The following DOCK5 variants were observed in gnomAD, a reference collection of about 807,000 sequenced individuals.
DOCK5 encodes the protein dedicator of cytokinesis protein 5.
DOCK5 carries 142 observed loss-of-function variants against 251.8 expected under a neutral mutation model. The ratio of observed to expected loss-of-function variants is 0.56; its 90% CI spans 0.49 to 0.65. The LOEUF (loss-of-function observed/expected upper bound fraction) is 0.65, where lower values mean the gene tolerates loss of function less well. Ranked by LOEUF, DOCK5 falls within the 30% of genes least tolerant of loss-of-function variation. The pLI, the probability that DOCK5 is intolerant of heterozygous loss-of-function variation, is 0.00. For missense variants in DOCK5, 2,111 were observed against 2,312.3 expected (o/e 0.91, Z 1.79); for synonymous variants, 842 against 835.5 (o/e 1.01, Z -0.13).
chr8:25,316,473 C>A (rs1805254464), intron 13 of DOCK5, among the ~76,000 whole-genome samples: 1 of 151,994 alleles, frequency 6.6e-6, no homozygotes, highest in Non-Finnish European at 1.5e-5. Flanking sequence ...AGAGCAAGAT[C>A]ATGTATCAAA....
intron 20 of DOCK5, 115 bp downstream of exon 20, chr8:25,332,807 T>C (rs1805713332): frequency 5.2e-6 from 4 of 764,400 alleles, no homozygotes; most frequent in Non-Finnish European, 8.0e-6. Flanking sequence ...TGTTTACATC[T>C]CTCTGGTTAT....
intron 2 of DOCK5, among the ~76,000 whole-genome samples, chr8:25,245,370 T>A (rs531031662): frequency 1.3e-5 from 2 of 152,220 alleles, no homozygotes; most frequent in East Asian, 3.9e-4. Flanking sequence ...GCTCTTCCAG[T>A]CTTATCAGCT....
intron 14 of DOCK5, among the ~76,000 whole-genome samples, chr8:25,319,027 G>A (rs897858829): frequency 2.0e-5 from 3 of 152,120 alleles, no homozygotes; most frequent in African/African-American, 7.2e-5. Flanking sequence ...CTCATTTCAC[G>A]TAGACACCTT....
chr8:25,364,661 T>G lies in DOCK5; in HGVS notation c.3080T>G (p.Val1027Gly). The G allele has an allele frequency of 6.2e-7, 1 of 1,601,490 alleles. No homozygotes were observed. ...FLRAINQFAEVLTRFFMDQAS... is the reference protein window; with the variant it reads ...FLRAINQFAEGLTRFFMDQAS... ...CGTGCTATAAATCAGTTTGCTGAAGTTCTCACAAGATTCTTCATGGATCAG... is the reference window on the plus strand; with the variant it reads ...CGTGCTATAAATCAGTTTGCTGAAGGTCTCACAAGATTCTTCATGGATCAG... Residue 1027 changes from valine (V) to glycine (G), a missense_variant, in exon 30 of 52, where the codon GTT becomes GGT. Around this residue, in one of 3 missense-constraint regions of DOCK5, gnomAD observed 1,717 missense variants for 1,892.4 expected, o/e 0.91. Coordinates refer to ENST00000276440, the MANE Select transcript of DOCK5 (RefSeq NM_024940.8).
intron 1 of DOCK5, among the ~76,000 whole-genome samples, chr8:25,219,723 C>T (rs1343072506): frequency 1.5e-4 from 22 of 148,154 alleles, no homozygotes; most frequent in Admixed American, 4.1e-4. Context: ...TTTTTTGAGA[C>T]GTTCACAACC....
At chr8:25,331,849 C>A (rs2117217099) in intron 18 of DOCK5, among the ~76,000 whole-genome samples, 1 of 146,924 alleles carries the variant, frequency 6.8e-6, no homozygotes, top group Admixed American at 6.8e-5. Context: ...GAGATACACA[C>A]ATACCTATGT....
chr8:25,372,770 C>T, intron 35 of DOCK5, 52 bp downstream of exon 35: 2 of 1,550,464 alleles, frequency 1.3e-6, no homozygotes, highest in African/African-American at 1.4e-5. Context: ...GCCGCCCCTG[C>T]ACCCTACAGC....
intron 13 of DOCK5, among the ~76,000 whole-genome samples, chr8:25,313,462 C>A (rs767813233): frequency 2.6e-5 from 4 of 152,170 alleles, no homozygotes; most frequent in African/African-American, 9.7e-5. Flanking sequence ...CTCTGCTTCT[C>A]CATTTCCCTG....
intron 28 of DOCK5, among the ~76,000 whole-genome samples, chr8:25,361,329 G>A (rs188715122): frequency 6.6e-6 from 1 of 152,266 alleles, no homozygotes; most frequent in African/African-American, 2.4e-5. Flanking sequence ...ATATAATGAG[G>A]CCGGATGTGG....
rs371700460 is a variant in DOCK5 at position 25,382,814 on chromosome 8, G to T, written c.4131+36G>T. On this transcript the variant is annotated intron_variant, in intron 40 of 51. Coordinates refer to ENST00000276440, the MANE Select transcript of DOCK5 (RefSeq NM_024940.8). Reference sequence around the variant, plus strand: ...TGATGGTGGTCTCCCAGGCCATTAGGAGGAGGGAAGAGACTCATTTCTTTT... The same window carrying T: ...TGATGGTGGTCTCCCAGGCCATTAGTAGGAGGGAAGAGACTCATTTCTTTT... 72 of 1,520,864 alleles carry T rather than the reference G, an allele frequency of 4.7e-5. No homozygotes were observed. The African/African-American group carries it at 7.9e-4, about 17-fold the overall frequency. The allele number at this position is 1,520,864 out of a possible 1,614,324, so 94.2% of individuals were successfully genotyped here.
At chr8:25,219,610 C>T (rs1423952345) in intron 1 of DOCK5, among the ~76,000 whole-genome samples, 2 of 152,176 alleles carry the variant, frequency 1.3e-5, no homozygotes, top group Non-Finnish European at 2.9e-5. Flanking sequence ...CTCTATTCCA[C>T]CCTTCCACTT....
chr8:25,312,481 G>A (rs1041499226), intron 13 of DOCK5, among the ~76,000 whole-genome samples: 2 of 152,070 alleles, frequency 1.3e-5, no homozygotes, highest in Non-Finnish European at 2.9e-5. Context: ...TCTAGAATAC[G>A]GCCAGGCCAG....
intron 45 of DOCK5, among the ~76,000 whole-genome samples, chr8:25,399,067 G>C (rs1257085568): frequency 6.6e-6 from 1 of 152,150 alleles, no homozygotes; most frequent in East Asian, 1.9e-4. Context: ...TCTGAAGGCT[G>C]GTCTTCGAAA....
In DOCK5 at chr8:25,403,588, C is replaced by T. The variant is rs777838021; in HGVS notation, c.4957C>T (p.Arg1653Cys). The change falls in exon 48 of 52, where the codon CGC becomes TGC. Residue 1653 changes from arginine to cysteine, a missense_variant. Coordinates refer to ENST00000276440, the MANE Select transcript of DOCK5 (RefSeq NM_024940.8). ...PPNLTERKQS[R>C]TGSIVLPYIM... is the part of the protein sequence containing the mutation. ...CAACTTGACGGAGAGGAAGCAAAGCCGCACGGGGTCTATTGTGCTCCCCTA... is the reference window on the plus strand; with the variant it reads ...CAACTTGACGGAGAGGAAGCAAAGCTGCACGGGGTCTATTGTGCTCCCCTA... 1.6e-5 allele frequency: 26 copies of T among 1,613,748 alleles called. No homozygotes were observed. Among genetic ancestry groups the T allele is most frequent in the South Asian group, 2.2e-5 (2 of 91,050 alleles).
chr8:25,411,321 C>T lies in DOCK5; in HGVS notation c.*23C>T. The T allele has an allele frequency of 1.4e-6, 2 of 1,449,458 alleles. No homozygotes were observed. The highest frequency in any genetic ancestry group is 3.0e-5 in the South Asian group (2 of 67,682). 89.8% of individuals were successfully genotyped at this position (1,449,458 alleles called of 1,614,324 possible). On this transcript the variant is annotated 3_prime_UTR_variant, in exon 52 of 52. Coordinates refer to ENST00000276440, the MANE Select transcript of DOCK5 (RefSeq NM_024940.8). Reference sequence around the variant, plus strand: ...TAAGGATCTTGCCCTCCCTGCAACACCGAGTGCCTTAGACAGCTGCTGCCT... The same window carrying T: ...TAAGGATCTTGCCCTCCCTGCAACATCGAGTGCCTTAGACAGCTGCTGCCT...
intron 31 of DOCK5, among the ~76,000 whole-genome samples, 152 bp from the exon 32 acceptor site, chr8:25,368,040 G>T (rs941009825): frequency 6.6e-6 from 1 of 152,118 alleles, no homozygotes. Flanking sequence ...CATTCCTTTT[G>T]GGGGCTCGTT....
At chr8:25,190,776 G>GTTTTTTTTTTTTT (rs71214554) in intron 1 of DOCK5, among the ~76,000 whole-genome samples, 12 of 63,390 alleles carry the variant, frequency 1.9e-4, no homozygotes, top group Admixed American at 2.9e-4. Context: ...TTGGTCATGG[G>GTTTTTTTTTTTTT]TTTTTTTTTT....
intron 50 of DOCK5, among the ~76,000 whole-genome samples, 198 bp downstream of exon 50, chr8:25,409,138 G>A (rs1801574100): frequency 6.6e-6 from 1 of 152,236 alleles, no homozygotes; most frequent in South Asian, 2.1e-4. Context: ...TTTCTGGATA[G>A]TGATCCAAAG....
intron 18 of DOCK5, among the ~76,000 whole-genome samples, chr8:25,326,827 T>A (rs1330645992): frequency 1.3e-5 from 2 of 152,202 alleles, no homozygotes; most frequent in Admixed American, 1.3e-4. Flanking sequence ...ACAACCCAAA[T>A]GTCTGATAGT....
Sources: gnomAD v4.1 joint callset for allele counts (sites outside exome capture counted in the v4.1 genomes callset) on GRCh38, gnomAD v4.1.1 for gene constraint, gnomAD v4.1.1 regional missense constraint, MANE v1.5 for transcripts, NCBI Gene and HGNC (gene_info 2026-07-23, HGNC 2026-07-21) for gene names.